The following CFAP206 variants were observed in gnomAD, a reference collection of about 807,000 sequenced individuals.
CFAP206 encodes the protein cilia and flagella associated protein 206.
CFAP206 carries 53 observed loss-of-function variants against 65.4 expected under a neutral mutation model. The ratio of observed to expected loss-of-function variants is 0.81; its 90% CI spans 0.65 to 1.02. CFAP206 has a LOEUF of 1.02. Ranked by LOEUF, CFAP206 falls within the 50% of genes least tolerant of loss-of-function variation. The probability of loss-of-function intolerance (pLI) is 0.00; values close to 1 mark genes in which losing one functional copy is unlikely to be tolerated. For synonymous variants in CFAP206, 250 were observed against 254.4 expected, an observed-to-expected ratio of 0.98 and a Z score of 0.17; for missense variants, 663 against 753.2, an observed-to-expected ratio of 0.88 and a Z score of 1.40.
intron 11 of CFAP206, among the ~76,000 whole-genome samples, chr6:87,442,318 T>A (rs1015994905): frequency 6.6e-6 from 1 of 152,156 alleles, no homozygotes; most frequent in African/African-American, 2.4e-5. Context: ...CCTGGCTTTT[T>A]CTTTCTTTCT....
chr6:87,446,099 T>C (rs1449352288), intron 11 of CFAP206, among the ~76,000 whole-genome samples: 1 of 152,260 alleles, frequency 6.6e-6, no homozygotes, highest in South Asian at 2.1e-4. Context: ...ATTCTAGATA[T>C]CAGACCTTTA....
chr6:87,462,794 C>A (rs1462862067), intron 12 of CFAP206, among the ~76,000 whole-genome samples: 1 of 152,174 alleles, frequency 6.6e-6, no homozygotes, highest in African/African-American at 2.4e-5. Context: ...CCACTTAATT[C>A]TGACTCTCAC....
At chr6:87,438,988 C>T (rs924729019) in intron 11 of CFAP206, among the ~76,000 whole-genome samples, 5 of 152,152 alleles carry the variant, frequency 3.3e-5, no homozygotes, top group African/African-American at 1.2e-4. Flanking sequence ...TAATACCACA[C>T]TGCTTTAATT....
chr6:87,416,574 C>T (rs1582133154), intron 5 of CFAP206, 95 bp from the exon 6 acceptor site: 1 of 1,116,582 alleles, frequency 9.0e-7, no homozygotes, highest in Non-Finnish European at 1.2e-6. Flanking sequence ...GTAACTCAGA[C>T]CCTTAACTTG....
At chr6:87,416,854 A>G (rs367983024) in intron 6 of CFAP206, 27 bp downstream of exon 6, 2 of 1,578,906 alleles carry the variant, frequency 1.3e-6, no homozygotes, top group African/African-American at 1.4e-5. Flanking sequence ...ATTAATTCTA[A>G]AGGTTATGTA....
At chr6:87,430,903 C>T (rs142654951) in intron 9 of CFAP206, 130 bp from the exon 10 acceptor site, 1 of 793,912 alleles carries the variant, frequency 1.3e-6, no homozygotes, top group African/African-American at 1.7e-5. Context: ...TTGTGAATAT[C>T]AAGTTTTTGC....
At chr6:87,440,078 T>C (rs1268159053) in intron 11 of CFAP206, among the ~76,000 whole-genome samples, 2 of 152,142 alleles carry the variant, frequency 1.3e-5, no homozygotes, top group African/African-American at 4.8e-5. Flanking sequence ...ATATGTAGGT[T>C]AGTATGAGAA....
chr6:87,420,532 C>T (rs549198023), intron 7 of CFAP206, among the ~76,000 whole-genome samples: 60 of 152,268 alleles, frequency 3.9e-4, no homozygotes, highest in South Asian at 1.2e-3. Flanking sequence ...AATCTGTGTC[C>T]GTAAGGAAGC....
chr6:87,432,478 A>T (rs1261914568), intron 10 of CFAP206, among the ~76,000 whole-genome samples: 1 of 151,656 alleles, frequency 6.6e-6, no homozygotes, highest in Non-Finnish European at 1.5e-5. Context: ...CCCCCTCTCC[A>T]TTCCTTCCTT....
chr6:87,437,216 C>G (rs1768282742), intron 11 of CFAP206, among the ~76,000 whole-genome samples: 1 of 152,180 alleles, frequency 6.6e-6, no homozygotes, highest in Non-Finnish European at 1.5e-5. Context: ...GATCCACCTG[C>G]CTTGGCCTCC....
intron 11 of CFAP206, among the ~76,000 whole-genome samples, chr6:87,460,286 C>T (rs1444837752): frequency 6.6e-6 from 1 of 152,154 alleles, no homozygotes; most frequent in East Asian, 1.9e-4. Context: ...TCAGTATATT[C>T]AACTAAAAAC....
Position 87,464,161 on chromosome 6 carries a change from C to T in CFAP206, c.1780C>T (p.Gln594Ter), listed in dbSNP as rs1222907839. Residue 594 changes from glutamine (Q) to a stop codon, truncating the protein, a stop_gained, in exon 13 of 13, where the codon CAG becomes TAG. Transcript: ENST00000369562. LOFTEE classifies it high-confidence loss of function. ...AGACAGCACTGGGGTGCCCAGGCCT[C>T]AGATTTACTTGGCTGGTCTTCGTGG... ...REDSTGVPRP[Q>*]IYLAGLRGGK... 6.2e-7 allele frequency: 1 copy of T among 1,614,182 alleles called. No homozygotes were observed. Among genetic ancestry groups the T allele is most frequent in the South Asian group, 1.1e-5 (1 of 91,082 alleles).
At chr6:87,445,431 C>T (rs940723372) in intron 11 of CFAP206, among the ~76,000 whole-genome samples, 2 of 152,054 alleles carry the variant, frequency 1.3e-5, no homozygotes, top group Non-Finnish European at 2.9e-5. Flanking sequence ...TGTTCAGCTC[C>T]CACTTATAAG....
At chr6:87,449,920 TC>T (rs745919966) in intron 11 of CFAP206, among the ~76,000 whole-genome samples, 6 of 152,212 alleles carry the variant, frequency 3.9e-5, no homozygotes, top group Non-Finnish European at 8.8e-5. Flanking sequence ...CCTGAAACAT[TC>T]TTCCAGTAGT....
intron 10 of CFAP206, among the ~76,000 whole-genome samples, chr6:87,433,363 T>C (rs1309425987): frequency 6.6e-6 from 1 of 152,208 alleles, no homozygotes; most frequent in Non-Finnish European, 1.5e-5. Flanking sequence ...AACTATTTGT[T>C]GGATAAATGA....
At chr6:87,419,451 G>A (rs1767901052) in intron 7 of CFAP206, among the ~76,000 whole-genome samples, 1 of 152,160 alleles carries the variant, frequency 6.6e-6, no homozygotes, top group Non-Finnish European at 1.5e-5. Flanking sequence ...TAAAGGGACT[G>A]GAGGACCTTT....
chr6:87,424,436 G>A (rs561479327), intron 7 of CFAP206, among the ~76,000 whole-genome samples: 2 of 151,934 alleles, frequency 1.3e-5, no homozygotes, highest in South Asian at 2.1e-4. Flanking sequence ...GTGCCACCAC[G>A]CCCAGCTAAT....
At chr6:87,416,169 C>T (rs985407185) in intron 5 of CFAP206, among the ~76,000 whole-genome samples, 1 of 151,996 alleles carries the variant, frequency 6.6e-6, no homozygotes, top group Non-Finnish European at 1.5e-5. Context: ...ATTGAGGGTA[C>T]CAGGCTGATT....
At chr6:87,417,783 T>G (rs62417634) in intron 6 of CFAP206, among the ~76,000 whole-genome samples, 4 of 146,588 alleles carry the variant, frequency 2.7e-5, no homozygotes, top group Non-Finnish European at 6.0e-5. Flanking sequence ...GAGATGGAGT[T>G]TCGTTCTTGT....
Sources: allele counts gnomAD v4.1 joint callset (sites outside exome capture counted in the v4.1 genomes callset), GRCh38; gene constraint gnomAD v4.1.1; transcripts MANE v1.5; gene names NCBI Gene and HGNC (gene_info 2026-07-23, HGNC 2026-07-21).